The following SORCS3 variants were observed in gnomAD, a reference collection of about 807,000 sequenced individuals.
SORCS3 encodes the protein VPS10 domain-containing receptor SorCS3.
A neutral mutation model predicts 146.3 loss-of-function variants in SORCS3; 57 were observed. The observed-to-expected ratio is 0.39, with a 90% CI of 0.31 to 0.49. The LOEUF (loss-of-function observed/expected upper bound fraction) is 0.49, where lower values mean the gene tolerates loss of function less well. Among genes scored for constraint, SORCS3 ranks in the 20% least tolerant of loss-of-function variants. The pLI is 0.92. For missense variants in SORCS3, 1,341 were observed against 1,575.5 expected, an observed-to-expected ratio of 0.85 and a Z score of 2.52; for synonymous variants, 653 against 618.5, an observed-to-expected ratio of 1.06 and a Z score of -0.83.
chr10:105,261,586 G>A (rs1368000130), intron 25 of SORCS3, among the ~76,000 whole-genome samples: 2 of 152,154 alleles, frequency 1.3e-5, no homozygotes, highest in Admixed American at 6.6e-5. Context: ...CCCGAGGCTG[G>A]AACACACAGT....
At chr10:105,109,510 A>T (rs1371499549) in intron 7 of SORCS3, among the ~76,000 whole-genome samples, 1 of 152,054 alleles carries the variant, frequency 6.6e-6, no homozygotes, top group Non-Finnish European at 1.5e-5. Flanking sequence ...TCTCTTGGTT[A>T]TCTGAAATTT....
chr10:105,251,442 C>G (rs1292197749), intron 22 of SORCS3, among the ~76,000 whole-genome samples: 2 of 151,982 alleles, frequency 1.3e-5, no homozygotes, highest in Non-Finnish European at 2.9e-5. Flanking sequence ...CAGGATCTAT[C>G]TGAGAAAAGA....
At chr10:105,015,832 C>T (rs908997682) in intron 4 of SORCS3, among the ~76,000 whole-genome samples, 1 of 151,864 alleles carries the variant, frequency 6.6e-6, no homozygotes, top group African/African-American at 2.4e-5. Context: ...CGGGTTTAAG[C>T]GATTCTCCTG....
intron 7 of SORCS3, among the ~76,000 whole-genome samples, chr10:105,116,245 G>A (rs984069570): frequency 4.6e-5 from 7 of 152,242 alleles, no homozygotes; most frequent in East Asian, 1.9e-4. Flanking sequence ...CTAGCTTTGC[G>A]CAGAGGTGAC....
intron 7 of SORCS3, among the ~76,000 whole-genome samples, chr10:105,112,904 A>G (rs1052281783): frequency 6.6e-6 from 1 of 152,122 alleles, no homozygotes; most frequent in Non-Finnish European, 1.5e-5. Flanking sequence ...AAAAGTATTG[A>G]TGTCTTATAT....
chr10:105,177,309 G>A (rs1050597193), intron 13 of SORCS3, among the ~76,000 whole-genome samples: 1 of 152,190 alleles, frequency 6.6e-6, no homozygotes, highest in Non-Finnish European at 1.5e-5. Context: ...TGGGAAAGAA[G>A]GGATGCTGAG....
chr10:105,089,829 C>T lies in SORCS3; in HGVS notation c.1083C>T (p.Thr361=), dbSNP rs546525396. The change falls in exon 6 of 27, where the codon ACC becomes ACT. Residue 361 remains threonine, a synonymous_variant. Coordinates refer to ENST00000369701, the MANE Select transcript of SORCS3 (RefSeq NM_014978.3). ...ACCTGGTGCACATGGAGGTGCGGAC[C>T]ACGGATGGATGTGAGTTCTGCTACA... is the stretch of plus-strand genomic sequence containing the variant. The part of the protein sequence containing the change: ...EADLVHMEVR[T]TDGYAHYLTC... 6.2e-7 allele frequency: 1 copy of T among 1,613,850 alleles called. No homozygotes were observed. Among genetic ancestry groups the T allele is most frequent in the South Asian group, 1.1e-5 (1 of 91,074 alleles).
At chr10:104,889,042 T>C (rs539309786) in intron 2 of SORCS3, among the ~76,000 whole-genome samples, 23 of 152,318 alleles carry the variant, frequency 1.5e-4, no homozygotes, top group African/African-American at 5.5e-4. Flanking sequence ...TTATAAAATA[T>C]TTCTCTTTAT....
chr10:105,103,436 G>A (rs1400757693), intron 6 of SORCS3, among the ~76,000 whole-genome samples: 1 of 152,204 alleles, frequency 6.6e-6, no homozygotes, highest in Non-Finnish European at 1.5e-5. Flanking sequence ...CCCAGGCTTA[G>A]GCTTTAGAGA....
chr10:105,011,756 A>G (rs1261805841), intron 4 of SORCS3, among the ~76,000 whole-genome samples: 3 of 152,102 alleles, frequency 2.0e-5, no homozygotes, highest in Admixed American at 6.6e-5. Flanking sequence ...TCACGTTTCC[A>G]TTCCTCTTTC....
intron 4 of SORCS3, among the ~76,000 whole-genome samples, chr10:105,016,296 A>G (rs1400354605): frequency 2.0e-5 from 3 of 150,416 alleles, no homozygotes; most frequent in Admixed American, 1.3e-4. Context: ...GACTACAGGC[A>G]CACACCACCA....
chr10:105,153,944 C>A (rs2056186782), intron 9 of SORCS3, among the ~76,000 whole-genome samples: 1 of 151,436 alleles, frequency 6.6e-6, no homozygotes, highest in Non-Finnish European at 1.5e-5. Flanking sequence ...GTGACAGTCA[C>A]CTATAATCCC....
At chr10:105,073,732 G>A (rs961806521) in intron 5 of SORCS3, among the ~76,000 whole-genome samples, 1 of 152,158 alleles carries the variant, frequency 6.6e-6, no homozygotes, top group African/African-American at 2.4e-5. Flanking sequence ...TGCCAGGGGA[G>A]CTGGTACCTC....
intron 5 of SORCS3, among the ~76,000 whole-genome samples, chr10:105,055,557 C>T (rs1418816732): frequency 6.6e-6 from 1 of 152,072 alleles, no homozygotes; most frequent in East Asian, 1.9e-4. Flanking sequence ...TAGCCTGGAG[C>T]ACAGTAAGTG....
intron 3 of SORCS3, among the ~76,000 whole-genome samples, chr10:104,918,280 C>T (rs2019052892): frequency 6.6e-6 from 1 of 152,072 alleles, no homozygotes; most frequent in African/African-American, 2.4e-5. Flanking sequence ...ATCATTTTTC[C>T]ATGCCAACAA....
At position 105,164,326 on chromosome 10, in the gene SORCS3, T is replaced by C. The variant is rs756017814; in HGVS notation, c.1756T>C (p.Tyr586His). Residue 586 changes from tyrosine (Y) to histidine (H), a missense_variant, in exon 12 of 27, where the codon TAT (tyrosine) becomes CAT (histidine). By Grantham distance (83) the Tyr-to-His change is moderately conservative. Coordinates refer to ENST00000369701, the MANE Select transcript of SORCS3 (RefSeq NM_014978.3). ...AGGCAACATTGGCCCGGAGCTCTCA[T>C]ATACTGATATTGGTGTGTTCATCTC... ...ATGNIGPELS[Y>H]TDIGVFISSD... 3.1e-6 allele frequency: 5 copies of C among 1,613,566 alleles called. No individual in the cohort carries two copies. Among genetic ancestry groups the C allele is most frequent in the Non-Finnish European group, 4.2e-6 (5 of 1,179,684 alleles).
At chr10:105,097,908 A>G (rs1183464093) in intron 6 of SORCS3, among the ~76,000 whole-genome samples, 2 of 152,222 alleles carry the variant, frequency 1.3e-5, no homozygotes, top group Non-Finnish European at 2.9e-5. Context: ...AGAAATGTGC[A>G]GAATCAAAAC....
chr10:104,900,028 A>G (rs550078539), intron 2 of SORCS3, among the ~76,000 whole-genome samples: 1 of 152,186 alleles, frequency 6.6e-6, no homozygotes, highest in Admixed American at 6.5e-5. Context: ...AGGAAACCAC[A>G]TCCTTGTTTG....
intron 6 of SORCS3, 59 bp downstream of exon 6, chr10:105,089,898 C>T: frequency 7.3e-7 from 1 of 1,369,886 alleles, no homozygotes; most frequent in Admixed American, 1.7e-5. Flanking sequence ...TCTCTGTCCT[C>T]CCCCAATTTG....
Sources: gnomAD v4.1 joint callset for allele counts (sites outside exome capture counted in the v4.1 genomes callset) on GRCh38, gnomAD v4.1.1 for gene constraint, MANE v1.5 for transcripts, NCBI Gene and HGNC (gene_info 2026-07-23, HGNC 2026-07-21) for gene names.